The following NLGN1 variants were observed in gnomAD, a reference collection of about 807,000 sequenced individuals.
NLGN1 encodes the protein neuroligin 1.
In NLGN1, 12 loss-of-function variants were observed where a neutral mutation model predicts 65.5. That is an observed-to-expected ratio of 0.18 (90% CI 0.12 to 0.30). The LOEUF is 0.30. Among genes scored for constraint, NLGN1 ranks in the 10% least tolerant of loss-of-function variants. The pLI is 1.00. For synonymous variants in NLGN1, 350 were observed against 359.5 expected, an observed-to-expected ratio of 0.97 and a Z score of 0.30; for missense variants, 750 against 1,007.1, an observed-to-expected ratio of 0.74 and a Z score of 3.46.
At chr3:173,412,322 A>ACACACACG (rs984579816) in intron 1 of NLGN1, among the ~76,000 whole-genome samples, 7 of 151,728 alleles carry the variant, frequency 4.6e-5, no homozygotes, top group African/African-American at 1.7e-4. Context: ...ACACACACAC[A>ACACACACG]CACACACACA....
intron 3 of NLGN1, among the ~76,000 whole-genome samples, chr3:173,658,678 T>G (rs1434359413): frequency 6.6e-6 from 1 of 152,016 alleles, no homozygotes; most frequent in African/African-American, 2.4e-5. Context: ...TTGCTGCTTC[T>G]AAACTAAGAC....
At chr3:173,580,302 TG>T (rs1746192051) in intron 2 of NLGN1, among the ~76,000 whole-genome samples, 2 of 152,254 alleles carry the variant, frequency 1.3e-5, no homozygotes, top group South Asian at 2.1e-4. Flanking sequence ...AATTCTAAGA[TG>T]TTTTTTATCA....
chr3:173,511,860 C>T (rs1294328502), intron 2 of NLGN1, among the ~76,000 whole-genome samples: 1 of 152,040 alleles, frequency 6.6e-6, no homozygotes, highest in Non-Finnish European at 1.5e-5. Flanking sequence ...CTACTTTTTT[C>T]ATTAAAGTTC....
chr3:173,607,452 C>G (rs1336659164), intron 3 of NLGN1, among the ~76,000 whole-genome samples: 1 of 151,536 alleles, frequency 6.6e-6, no homozygotes, highest in Non-Finnish European at 1.5e-5. Context: ...TTTATTAGCT[C>G]TTTGTACATT....
rs28842009 is a variant in NLGN1, at chr3:173,737,831, G to A, written c.494-69849G>A. ...TATTTAACACTTTGAGGTACCAACA[G>A]ACTATTTTCCAAAGTGGATGCATCA... On this transcript the variant is annotated intron_variant, in intron 3 of 6. Coordinates refer to ENST00000457714, the Ensembl canonical transcript of NLGN1. Among the ~76,000 whole-genome samples the A allele has an allele frequency of 6.8e-3, 1,034 of 152,110 alleles. 10 individuals carry two copies. The highest frequency in any genetic ancestry group is 0.024 in the African/African-American group (987 of 41,544).
chr3:173,992,302 G>A (rs1230597923), intron 4 of NLGN1, among the ~76,000 whole-genome samples: 3 of 152,098 alleles, frequency 2.0e-5, no homozygotes, highest in South Asian at 2.1e-4. Context: ...ATCTGGTAGT[G>A]ATCCACTAAA....
intron 4 of NLGN1, among the ~76,000 whole-genome samples, chr3:173,936,461 A>C (rs1406304604): frequency 6.6e-6 from 1 of 152,114 alleles, no homozygotes; most frequent in Non-Finnish European, 1.5e-5. Flanking sequence ...GGTAATTTAC[A>C]TCTAAGCAGT....
chr3:174,220,025 G>A (rs113753937), intron 4 of NLGN1, among the ~76,000 whole-genome samples: 121 of 152,176 alleles, frequency 8.0e-4, no homozygotes, highest in African/African-American at 1.5e-3. Context: ...GACCAGGCAG[G>A]GAGGCAATGT....
chr3:173,499,524 A>G (rs1233740226), intron 2 of NLGN1, among the ~76,000 whole-genome samples: 1 of 151,804 alleles, frequency 6.6e-6, no homozygotes, highest in Non-Finnish European at 1.5e-5. Context: ...GTTAGGATTG[A>G]CTTGGCAATG....
chr3:173,995,830 G>A (rs578005140), intron 4 of NLGN1, among the ~76,000 whole-genome samples: 1 of 151,532 alleles, frequency 6.6e-6, no homozygotes, highest in Non-Finnish European at 1.5e-5. Context: ...GGGACTCCCG[G>A]TGCACATACC....
intron 4 of NLGN1, among the ~76,000 whole-genome samples, chr3:174,140,910 C>T (rs1016729347): frequency 1.2e-4 from 19 of 152,024 alleles, no homozygotes; most frequent in Non-Finnish European, 2.1e-4. Flanking sequence ...TAGTTAATGA[C>T]TCAATTTTGG....
chr3:173,759,238 C>CT (rs1777594945), intron 3 of NLGN1, among the ~76,000 whole-genome samples: 1 of 151,818 alleles, frequency 6.6e-6, no homozygotes, highest in Admixed American at 6.6e-5. Context: ...ATGCATCTTC[C>CT]TTTCACTAAT....
intron 4 of NLGN1, among the ~76,000 whole-genome samples, chr3:174,029,618 T>C (rs1354768289): frequency 6.6e-6 from 1 of 151,854 alleles, no homozygotes; most frequent in Admixed American, 6.6e-5. Context: ...AATGTGAGGA[T>C]ATGAGATTTT....
intron 2 of NLGN1, among the ~76,000 whole-genome samples, chr3:173,445,569 A>G (rs1720111630): frequency 6.6e-6 from 1 of 152,238 alleles, no homozygotes; most frequent in Non-Finnish European, 1.5e-5. Context: ...CTTCCCATAC[A>G]GTGAGCTCAA....
intron 4 of NLGN1, among the ~76,000 whole-genome samples, chr3:174,243,423 A>G (rs1455010756): frequency 6.6e-6 from 1 of 152,228 alleles, no homozygotes; most frequent in Non-Finnish European, 1.5e-5. Context: ...AGCTGCCGCC[A>G]CAAAGCAACA....
chr3:173,473,050 G>A (rs1345622215), intron 2 of NLGN1, among the ~76,000 whole-genome samples: 3 of 152,048 alleles, frequency 2.0e-5, no homozygotes, highest in African/African-American at 7.2e-5. Context: ...TGTGTATAAA[G>A]CTTATTTTCA....
chr3:173,594,408 A>G (rs961077723), intron 2 of NLGN1, among the ~76,000 whole-genome samples: 1 of 152,206 alleles, frequency 6.6e-6, no homozygotes, highest in African/African-American at 2.4e-5. Flanking sequence ...CTTTGACTCC[A>G]GGTCTCACAT....
At chr3:174,212,322 G>C (rs1196271289) in intron 4 of NLGN1, among the ~76,000 whole-genome samples, 2 of 152,222 alleles carry the variant, frequency 1.3e-5, no homozygotes, top group African/African-American at 2.4e-5. Flanking sequence ...CGCAAGCGCC[G>C]TGCGCAGCCC....
chr3:173,605,650 G>T, intron 3 of NLGN1, 57 bp downstream of exon 3: 1 of 808,836 alleles, frequency 1.2e-6, no homozygotes. Flanking sequence ...GGAAGAACAA[G>T]ATACTCTCCC....
Sources: allele counts gnomAD v4.1 joint callset (sites outside exome capture counted in the v4.1 genomes callset), GRCh38; gene constraint gnomAD v4.1.1; transcripts MANE v1.5; gene names NCBI Gene and HGNC (gene_info 2026-07-23, HGNC 2026-07-21).